PRKN: variants seen among roughly 807,000 people sequenced by gnomAD.
PRKN encodes parkin RBR E3 ubiquitin protein ligase, also known as E3 ubiquitin-protein ligase parkin.
In PRKN, 56 loss-of-function variants were observed where a neutral mutation model predicts 59.5. The observed-to-expected ratio is 0.94, with a 90% confidence interval of 0.76 to 1.18. The LOEUF is 1.18. PRKN is among the 50% of genes most tolerant of loss of function. The pLI is 0.00. For missense variants in PRKN, 657 were observed against 596.4 expected, an observed-to-expected ratio of 1.10 and a Z score of -1.06; for synonymous variants, 250 against 222.1, an observed-to-expected ratio of 1.13 and a Z score of -1.12.
At chr6:162,379,756 T>C (rs143693395) in intron 2 of PRKN, among the ~76,000 whole-genome samples, 1 of 152,282 alleles carries the variant, frequency 6.6e-6, no homozygotes. Context: ...CAGTACATGG[T>C]ATGAGCAGAC....
In PRKN at chr6:161,393,042, A is replaced by G. The variant is rs1046891649; in HGVS notation, c.1084-6165T>C. On this transcript the variant is annotated intron_variant, in intron 9 of 11. Transcript: ENST00000366898. The surrounding 1 kb of genome is among the most constrained non-coding windows in gnomAD (Gnocchi z 4.7). ...GAAGTGAACCCTTTGAGGTAGAGAG[A>G]CCCGGAGTCTGAGGCCTCTTGGATC... is the stretch of plus-strand genomic sequence containing the variant. Among the ~76,000 whole-genome samples the G allele has an allele frequency of 6.6e-6, 1 of 152,106 alleles. No individual in the cohort carries two copies. Among genetic ancestry groups the G allele is most frequent in the Non-Finnish European group, 1.5e-5 (1 of 68,030 alleles).
At chr6:161,658,521 A>G (rs1784437503) in intron 7 of PRKN, among the ~76,000 whole-genome samples, 1 of 152,238 alleles carries the variant, frequency 6.6e-6, no homozygotes, top group South Asian at 2.1e-4. Flanking sequence ...GGAATTCATA[A>G]GTGCCTCTGC....
intron 7 of PRKN, among the ~76,000 whole-genome samples, chr6:161,723,940 C>CCT (rs1787333716): frequency 6.6e-6 from 1 of 152,208 alleles, no homozygotes; most frequent in Admixed American, 6.5e-5. Context: ...TCTCCACCAC[C>CCT]CTCTCCACTG....
At chr6:162,352,529 CATCTTG>C (rs1189454860) in intron 2 of PRKN, among the ~76,000 whole-genome samples, 1 of 152,086 alleles carries the variant, frequency 6.6e-6, no homozygotes, top group Non-Finnish European at 1.5e-5. Context: ...ATCCTGGGGC[CATCTTG>C]ATTATGAAAA....
At chr6:162,016,415 G>A (rs1008545913) in intron 5 of PRKN, among the ~76,000 whole-genome samples, 3 of 152,042 alleles carry the variant, frequency 2.0e-5, no homozygotes, top group Non-Finnish European at 2.9e-5. Context: ...GGGATAAAAT[G>A]CTCCTCCTGT....
intron 2 of PRKN, among the ~76,000 whole-genome samples, chr6:162,433,350 A>G (rs909707729): frequency 9.2e-5 from 14 of 152,190 alleles, no homozygotes; most frequent in Admixed American, 1.3e-4. Context: ...AGTGATTCAT[A>G]TCTACTGTAC....
At chr6:161,962,563 C>A (rs537513466) in intron 6 of PRKN, among the ~76,000 whole-genome samples, 1 of 139,314 alleles carries the variant, frequency 7.2e-6, no homozygotes, top group East Asian at 2.1e-4. Context: ...TTTTTTGAGA[C>A]GGAGTCTCGC....
chr6:161,624,924 T>C (rs922589363), intron 7 of PRKN, among the ~76,000 whole-genome samples: 1 of 152,162 alleles, frequency 6.6e-6, no homozygotes, highest in African/African-American at 2.4e-5. Context: ...CTATTAATAA[T>C]GAACACAAAA....
chr6:161,489,232 G>A (rs1308809794), intron 9 of PRKN, among the ~76,000 whole-genome samples: 1 of 147,580 alleles, frequency 6.8e-6, no homozygotes. Flanking sequence ...ATTCATACTG[G>A]AAAAAAAAAA....
At chr6:161,834,440 A>G (rs2128219315) in intron 6 of PRKN, among the ~76,000 whole-genome samples, 1 of 152,328 alleles carries the variant, frequency 6.6e-6, no homozygotes, top group Non-Finnish European at 1.5e-5. Context: ...GTTTCAAAAT[A>G]GCCTGCGGTA....
intron 6 of PRKN, among the ~76,000 whole-genome samples, chr6:161,930,915 C>A (rs1779148734): frequency 6.6e-6 from 1 of 152,204 alleles, no homozygotes; most frequent in East Asian, 1.9e-4. Context: ...CCTCCAGAAC[C>A]TGGAAAGCAC....
chr6:162,667,256 T>C (rs1779137385), intron 1 of PRKN, among the ~76,000 whole-genome samples: 1 of 152,080 alleles, frequency 6.6e-6, no homozygotes, highest in Non-Finnish European at 1.5e-5. Flanking sequence ...TAAAAACAAG[T>C]CTTGCTTCCT....
At chr6:161,777,649 TATATATATATTATATATATGAGA>T (rs1789982492) in intron 7 of PRKN, among the ~76,000 whole-genome samples, 1 of 138,500 alleles carries the variant, frequency 7.2e-6, no homozygotes, top group Non-Finnish European at 1.5e-5. Flanking sequence ...GATATTCTCA[TATATATATATTATATATATGAGA>T]ATATATATAT....
chr6:162,128,592 C>T (rs750295667), intron 4 of PRKN, among the ~76,000 whole-genome samples: 2 of 152,298 alleles, frequency 1.3e-5, no homozygotes, highest in South Asian at 4.1e-4. Context: ...TGCATTTATA[C>T]TACAAGTATC....
intron 2 of PRKN, among the ~76,000 whole-genome samples, chr6:162,366,996 C>A (rs1785476354): frequency 6.6e-6 from 1 of 152,150 alleles, no homozygotes; most frequent in African/African-American, 2.4e-5. Flanking sequence ...TTGGCTGTGT[C>A]CCTACCCAAA....
At position 161,498,020 on chromosome 6, in the gene PRKN, C is replaced by T. The variant is rs751139624; in HGVS notation, c.1083+50834G>A. On this transcript the variant is annotated intron_variant, in intron 9 of 11. Transcript: ENST00000366898. This position sits in a 1 kb window ranked among gnomAD's most constrained non-coding sequence, Gnocchi z 4.2. ...CTTCCATGAGGGGATATTTGTTCTT[C>T]AATAGATGGGTCTAATTTTCCACAG... Among the ~76,000 whole-genome samples, 4 of 152,142 alleles carry T rather than the reference C, an allele frequency of 2.6e-5. No homozygotes were observed. Among genetic ancestry groups the T allele is most frequent in the Non-Finnish European group, 5.9e-5 (4 of 68,030 alleles).
At chr6:162,591,035 G>T (rs919134683) in intron 1 of PRKN, among the ~76,000 whole-genome samples, 2 of 152,018 alleles carry the variant, frequency 1.3e-5, no homozygotes, top group African/African-American at 4.8e-5. Context: ...TGAAGGAACA[G>T]GAGCCAGATT....
rs9355987 is a variant in PRKN, at chr6:162,184,234, T to G, written c.534+16897A>C. ...CCAATATTCAATAAGCAAAAATTAC[T>G]GATTGCATAATAGGAGGCTTCACAA... On this transcript the variant is annotated intron_variant, in intron 4 of 11. Coordinates refer to ENST00000366898, the MANE Select transcript of PRKN (RefSeq NM_004562.3). Among the ~76,000 whole-genome samples the G allele has an allele frequency of 2.0e-5, 3 of 152,166 alleles. No individual in the cohort carries two copies. In the South Asian group the frequency reaches 6.2e-4, roughly 32 times the overall value.
At chr6:162,064,120 C>A (rs1778226210) in intron 4 of PRKN, among the ~76,000 whole-genome samples, 2 of 152,148 alleles carry the variant, frequency 1.3e-5, no homozygotes, top group Admixed American at 6.5e-5. Flanking sequence ...ATGGATGAGT[C>A]TCGAAACAAA....
Sources: allele counts gnomAD v4.1 joint callset (sites outside exome capture counted in the v4.1 genomes callset), GRCh38; gene constraint gnomAD v4.1.1; non-coding constraint Gnocchi (gnomAD v3.1); transcripts MANE v1.5; gene names NCBI Gene and HGNC (gene_info 2026-07-23, HGNC 2026-07-21).